Variants in HECTD4 observed in about 807,000 individuals in gnomAD.
The protein encoded by HECTD4 is HECT domain E3 ubiquitin protein ligase 4.
Under a neutral mutation model 471.5 loss-of-function variants are expected in HECTD4, and 114 were observed. That is an observed-to-expected ratio of 0.24 (90% CI 0.21 to 0.28). HECTD4 has a LOEUF of 0.28. HECTD4 is among the 10% of genes least tolerant of loss of function. HECTD4 has a pLI of 1.00. For missense variants in HECTD4, 3,866 were observed against 5,651.5 expected, an observed-to-expected ratio of 0.68 and a Z score of 10.13; for synonymous variants, 2,012 against 2,256.0, an observed-to-expected ratio of 0.89 and a Z score of 3.07.
intron 1 of HECTD4, among the ~76,000 whole-genome samples, chr12:112,340,714 A>G (rs2036039798): frequency 6.6e-6 from 1 of 152,178 alleles, no homozygotes; most frequent in African/African-American, 2.4e-5. Flanking sequence ...GCCATATGAC[A>G]TTAAGTACAA....
intron 1 of HECTD4, among the ~76,000 whole-genome samples, chr12:112,362,993 C>T (rs963530696): frequency 2.6e-5 from 4 of 151,352 alleles, no homozygotes; most frequent in African/African-American, 4.9e-5. Context: ...TGAGCCACTG[C>T]GCCCAGCCTC....
At chr12:112,222,167 T>G (rs1365198330) in intron 44 of HECTD4, among the ~76,000 whole-genome samples, 1 of 152,148 alleles carries the variant, frequency 6.6e-6, no homozygotes, top group Admixed American at 6.5e-5. Context: ...ATGATCCGCC[T>G]GCCTTGGCCT....
intron 1 of HECTD4, among the ~76,000 whole-genome samples, chr12:112,331,211 C>T (rs2035839840): frequency 6.6e-6 from 1 of 152,192 alleles, no homozygotes; most frequent in African/African-American, 2.4e-5. Context: ...GCTGGGACTA[C>T]AGGCACGTGC....
At position 112,184,838 on chromosome 12, in the gene HECTD4, G is replaced by A. The variant is rs777209872; in HGVS notation, c.10128C>T (p.Gly3376=). 1.8e-5 allele frequency: 29 copies of A among 1,607,552 alleles called. No homozygotes were observed. The highest frequency in any genetic ancestry group is 5.0e-5 in the Admixed American group (3 of 59,678). Residue 3376 remains glycine (G), a synonymous_variant, in exon 61 of 76, where the codon GGC becomes GGT. Coordinates refer to ENST00000682272, the MANE Select transcript of HECTD4 (RefSeq NM_001388303.1). This position sits in a 1 kb window ranked among gnomAD's most constrained non-coding sequence, Gnocchi z 9.1. The part of the protein sequence containing the change: ...HLTRKDPQGL[G]VTSDAIADAC... ...CATCGGCGATGGCGTCACTCGTCACGCCCAGCCCCTGTGGGTCCTTCCTGG... is the reference window on the plus strand; with the variant it reads ...CATCGGCGATGGCGTCACTCGTCACACCCAGCCCCTGTGGGTCCTTCCTGG...
chr12:112,203,566 C>T (rs758201015), intron 54 of HECTD4, 70 bp downstream of exon 54: 4 of 1,291,124 alleles, frequency 3.1e-6, no homozygotes, highest in Non-Finnish European at 4.3e-6. Flanking sequence ...TTTAAGGTAC[C>T]TGGGAATCTG....
At chr12:112,348,498 C>T (rs532782269) in intron 1 of HECTD4, among the ~76,000 whole-genome samples, 1 of 152,212 alleles carries the variant, frequency 6.6e-6, no homozygotes, top group East Asian at 1.9e-4. Flanking sequence ...GGAGATCATG[C>T]CTGTAATCCC....
At chr12:112,212,723 T>C (rs1291675270) in intron 48 of HECTD4, 73 bp from the exon 49 acceptor site, 1 of 1,293,590 alleles carries the variant, frequency 7.7e-7, no homozygotes, top group Admixed American at 2.4e-5. Flanking sequence ...GCAACCGGAG[T>C]GTCACCCTAC....
chr12:112,263,722 TATACACACAC>T (rs1566091605), intron 17 of HECTD4, among the ~76,000 whole-genome samples: 2 of 148,098 alleles, frequency 1.4e-5, no homozygotes, highest in East Asian at 2.0e-4. Flanking sequence ...TATATATATA[TATACACACAC>T]ACACACACAC....
At chr12:112,207,432 A>G (rs1010057669) in intron 52 of HECTD4, among the ~76,000 whole-genome samples, 1 of 151,850 alleles carries the variant, frequency 6.6e-6, no homozygotes, top group African/African-American at 2.4e-5. Flanking sequence ...CGTGAGCACC[A>G]TGGCCGGCCA....
intron 2 of HECTD4, 146 bp from the exon 3 acceptor site, chr12:112,314,692 AT>A: frequency 1.7e-6 from 1 of 601,034 alleles, no homozygotes; most frequent in Non-Finnish European, 3.0e-6. Context: ...TGTAAAAAAA[AT>A]ACTTGATTAT....
In HECTD4 at chr12:112,261,407, G is replaced by A. The variant is rs1320247982; in HGVS notation, c.2771C>T (p.Ala924Val). Residue 924 changes from alanine to valine, a missense_variant, in exon 18 of 76, where the codon GCT (alanine) becomes GTT (valine). By Grantham distance (64) the Ala-to-Val change is moderately conservative. Around this residue, in one of 16 missense-constraint regions of HECTD4, gnomAD observed 525 missense variants for 672.6 expected, o/e 0.78. Coordinates refer to ENST00000682272, the MANE Select transcript of HECTD4 (RefSeq NM_001388303.1). Reference protein sequence around the residue: ...KVQELKVSILALATQILTGCD... With the variant: ...KVQELKVSILVLATQILTGCD... ...TCCAGTCAGGATTTGGGTGGCAAGA[G>A]CCAAAATACTGACTTTTAGCTCCTA... 6.2e-7 allele frequency: 1 copy of A among 1,608,744 alleles called. No homozygotes were observed. Among genetic ancestry groups the A allele is most frequent in the Non-Finnish European group, 8.5e-7 (1 of 1,175,516 alleles).
chr12:112,347,107 C>T (rs1213583035), intron 1 of HECTD4, among the ~76,000 whole-genome samples: 4 of 151,698 alleles, frequency 2.6e-5, no homozygotes, highest in African/African-American at 4.8e-5. Flanking sequence ...TAAATATATA[C>T]ATTTATCATA....
chr12:112,313,481 A>ATTTTT (rs34438364), intron 3 of HECTD4, among the ~76,000 whole-genome samples: 4 of 58,918 alleles, frequency 6.8e-5, no homozygotes, highest in East Asian at 5.1e-4. Flanking sequence ...TGCCCGGCTA[A>ATTTTT]TTTTTTTTTT....
Position 112,243,713 on chromosome 12 carries a change from C to T in HECTD4, c.4698G>A (p.Gln1566=). ...CCCTGCTGTCCTCAATGGCCAGCGA[C>T]TGCAGGAGTGTAAAGGAGCTGCTGC... ...SHRSSSFTLL[Q]SLAIEDSRDK... Residue 1566 remains glutamine, a synonymous_variant, in exon 31 of 76, where the codon CAG becomes CAA. Coordinates refer to ENST00000682272, the MANE Select transcript of HECTD4 (RefSeq NM_001388303.1). This position sits in a 1 kb window ranked among gnomAD's most constrained non-coding sequence, Gnocchi z 6.6. The T allele has an allele frequency of 1.2e-6, 2 of 1,613,998 alleles. No individual in the cohort carries two copies. The highest frequency in any genetic ancestry group is 1.1e-5 in the South Asian group (1 of 91,078).
At chr12:112,276,891 T>G (rs1043769650) in intron 9 of HECTD4, among the ~76,000 whole-genome samples, 3 of 152,208 alleles carry the variant, frequency 2.0e-5, no homozygotes, top group African/African-American at 7.2e-5. Context: ...GAGGTACAAC[T>G]TCATATCCAC....
intron 60 of HECTD4, 33 bp downstream of exon 60, chr12:112,190,753 C>T: frequency 5.2e-6 from 8 of 1,533,410 alleles, no homozygotes; most frequent in Non-Finnish European, 7.0e-6. Flanking sequence ...CACCCCCACC[C>T]TAGATTCCGA....
At chr12:112,374,788 A>T (rs965950563) in intron 1 of HECTD4, among the ~76,000 whole-genome samples, 4 of 152,250 alleles carry the variant, frequency 2.6e-5, no homozygotes, top group African/African-American at 7.2e-5. Flanking sequence ...TGAGTGTATG[A>T]TAAGTATTTA....
intron 7 of HECTD4, among the ~76,000 whole-genome samples, chr12:112,301,226 A>C (rs2035158744): frequency 1.3e-5 from 2 of 149,218 alleles, no homozygotes; most frequent in South Asian, 4.3e-4. Context: ...CCTGTTGCCC[A>C]GGCTGGAGTG....
rs1019740262 is a variant in HECTD4 at position 112,313,153 on chromosome 12, T to C, written c.786-6A>G. The C allele has an allele frequency of 2.0e-6, 3 of 1,531,620 alleles. No individual in the cohort carries two copies. The Admixed American group carries it at 6.0e-5, about 30-fold the overall frequency. The allele number at this position is 1,531,620 out of a possible 1,614,324, so 94.9% of individuals were successfully genotyped here. A position where few individuals can be genotyped will look rare whatever the true frequency, so the allele number is the denominator to read the frequency against. On this transcript the variant is annotated splice_region_variant and splice_polypyrimidine_tract_variant and intron_variant, in intron 3 of 75. Coordinates refer to ENST00000682272, the MANE Select transcript of HECTD4 (RefSeq NM_001388303.1). ...CCCCTTCCAAAAGCAACAGCCTATA[T>C]GGGGGAGAAAGAAAATCACAAAGAC...
Sources: gnomAD v4.1 joint callset for allele counts (sites outside exome capture counted in the v4.1 genomes callset) on GRCh38, gnomAD v4.1.1 for gene constraint, gnomAD v4.1.1 regional missense constraint, Gnocchi (gnomAD v3.1) non-coding constraint, MANE v1.5 for transcripts, NCBI Gene and HGNC (gene_info 2026-07-23, HGNC 2026-07-21) for gene names.